Variants in INTU observed in about 807,000 individuals in gnomAD.
INTU encodes the protein inturned planar cell polarity protein.
Under a neutral mutation model 100.5 loss-of-function variants are expected in INTU, and 68 were observed. That is an observed-to-expected ratio of 0.68 (90% CI 0.56 to 0.83). The LOEUF is 0.83. INTU is among the 40% of genes least tolerant of loss of function. INTU has a pLI of 0.00. For synonymous variants in INTU, 357 were observed against 395.7 expected (o/e 0.90, Z 1.16); for missense variants, 1,071 against 1,114.7 (o/e 0.96, Z 0.56).
rs1729765026 is a variant in INTU, at chr4:127,685,300, G to A, written c.1259+814G>A. On this transcript the variant is annotated intron_variant, in intron 7 of 15. Coordinates refer to ENST00000335251, the MANE Select transcript of INTU (RefSeq NM_015693.4). ...GACTTTTGTTCTTGTATTTCTGAGG[G>A]CTAAAATGGTATCTTTATGTTTAAA... is the stretch of plus-strand genomic sequence containing the variant. 3 of 195,604 alleles carry A rather than the reference G, an allele frequency of 1.5e-5. No individual in the cohort carries two copies. The South Asian group carries it at 2.0e-4, about 13-fold the overall frequency. The allele number at this position is 195,604 out of a possible 1,614,324, so 12.1% of individuals were successfully genotyped here. A position where few individuals can be genotyped will look rare whatever the true frequency, so the allele number is the denominator to read the frequency against.
intron 2 of INTU, among the ~76,000 whole-genome samples, chr4:127,654,555 C>G (rs980790297): frequency 1.3e-4 from 20 of 152,168 alleles, no homozygotes; most frequent in African/African-American, 1.9e-4. Flanking sequence ...TTGGCCCCCA[C>G]TCTCTTCTGG....
rs1339646214 is a variant in INTU, at chr4:127,720,439, A to G, written c.*4003A>G. The G allele has an allele frequency of 6.6e-6, 1 of 152,220 alleles. No individual in the cohort carries two copies. Among genetic ancestry groups the G allele is most frequent in the African/African-American group, 2.4e-5 (1 of 41,450 alleles). The allele number at this position is 152,220 out of a possible 1,614,324, so 9.4% of individuals were successfully genotyped here. A position where few individuals can be genotyped will look rare whatever the true frequency, so the allele number is the denominator to read the frequency against. On this transcript the variant is annotated 3_prime_UTR_variant, in exon 16 of 16. Transcript: ENST00000335251. ...TTAGAGTAAGTACCATGTGGCACTG[A>G]GAAGAATATATATTCTGTTGTTTGG...
intron 5 of INTU, among the ~76,000 whole-genome samples, chr4:127,672,597 A>G (rs968837737): frequency 2.0e-5 from 3 of 151,772 alleles, no homozygotes; most frequent in African/African-American, 4.8e-5. Flanking sequence ...AGCTAGAAAA[A>G]CTTTTTTAAG....
intron 6 of INTU, among the ~76,000 whole-genome samples, chr4:127,680,241 C>G (rs1474652060): frequency 6.6e-6 from 1 of 152,054 alleles, no homozygotes; most frequent in Non-Finnish European, 1.5e-5. Context: ...GGAATCCTCC[C>G]TAACTCATTT....
intron 12 of INTU, 121 bp downstream of exon 12, chr4:127,707,090 C>A: frequency 8.7e-7 from 1 of 1,149,280 alleles, no homozygotes; most frequent in Non-Finnish European, 1.2e-6. Flanking sequence ...GTGGTTATTT[C>A]AGTCACTGCT....
At chr4:127,677,616 A>G (rs1348565301) in intron 6 of INTU, among the ~76,000 whole-genome samples, 26 of 152,190 alleles carry the variant, frequency 1.7e-4, no homozygotes, top group Middle Eastern at 3.4e-3. Context: ...ACCATCATCA[A>G]AGACCAAAAG....
intron 14 of INTU, among the ~76,000 whole-genome samples, chr4:127,712,761 T>C (rs146105090): frequency 6.6e-6 from 1 of 152,190 alleles, no homozygotes; most frequent in African/African-American, 2.4e-5. Flanking sequence ...GGGACAGAGC[T>C]TCCAGCAAGG....
intron 8 of INTU, among the ~76,000 whole-genome samples, chr4:127,693,636 T>A (rs1272266235): frequency 2.0e-5 from 3 of 152,172 alleles, no homozygotes; most frequent in Admixed American, 2.0e-4. Context: ...AAAGTGGGCA[T>A]CCTTGTCTTG....
Position 127,669,018 on chromosome 4 carries a change from A to G in INTU, c.973-18A>G. 1 of 1,185,200 alleles carries G rather than the reference A, an allele frequency of 8.4e-7. No homozygotes were observed. The highest frequency in any genetic ancestry group is 2.0e-4 in the Middle Eastern group (1 of 5,052). The allele number at this position is 1,185,200 out of a possible 1,614,324, so 73.4% of individuals were successfully genotyped here. A position where few individuals can be genotyped will look rare whatever the true frequency, so the allele number is the denominator to read the frequency against. ...GGTTGGAAAATTGGGTGGTTTGATCATTTGTTTCATTTAACAGCAGGAAAT... is the reference window on the plus strand; with the variant it reads ...GGTTGGAAAATTGGGTGGTTTGATCGTTTGTTTCATTTAACAGCAGGAAAT... On this transcript the variant is annotated intron_variant, in intron 4 of 15. Coordinates refer to ENST00000335251, the MANE Select transcript of INTU (RefSeq NM_015693.4).
intron 12 of INTU, 145 bp from the exon 13 acceptor site, chr4:127,708,426 A>T: frequency 1.8e-6 from 1 of 559,490 alleles, no homozygotes; most frequent in South Asian, 2.2e-5. Context: ...ATAAGCCAAG[A>T]GGTACAAGTT....
intron 2 of INTU, among the ~76,000 whole-genome samples, chr4:127,650,879 C>T (rs151110641): frequency 0.018 from 2,669 of 152,266 alleles, 40 homozygotes; most frequent in Middle Eastern, 0.027. Context: ...CTGTCCAGCA[C>T]CTGTTGTTTC....
intron 15 of INTU, among the ~76,000 whole-genome samples, chr4:127,714,745 C>T (rs2148739895): frequency 6.6e-6 from 1 of 152,238 alleles, no homozygotes; most frequent in Admixed American, 6.5e-5. Context: ...CCCCCACCCT[C>T]ATTACAATAT....
In INTU at chr4:127,644,052, C is replaced by G. The variant is rs773653292; in HGVS notation, c.678C>G (p.Leu226=). The change falls in exon 2 of 16, where the codon CTC becomes CTG. Residue 226 remains leucine (L), a synonymous_variant. Coordinates refer to ENST00000335251, the MANE Select transcript of INTU (RefSeq NM_015693.4). ...GGSAMKSGQV[L]IGDVLVAVND... is the part of the protein sequence containing the mutation. ...CTGCTATGAAGAGCGGTCAGGTACT[C>G]ATTGGTAAGTGTTGCTGGTACACAT... is the stretch of plus-strand genomic sequence containing the variant. 11 of 1,610,666 alleles carry G rather than the reference C, an allele frequency of 6.8e-6. No individual in the cohort carries two copies. The highest frequency in any genetic ancestry group is 9.3e-6 in the Non-Finnish European group (11 of 1,177,560).
intron 3 of INTU, among the ~76,000 whole-genome samples, chr4:127,660,202 G>C (rs939846502): frequency 3.9e-5 from 6 of 152,148 alleles, no homozygotes; most frequent in African/African-American, 1.4e-4. Flanking sequence ...TTAGATTTAA[G>C]ATAGAGAGGA....
chr4:127,687,741 A>C lies in INTU; in HGVS notation c.1323A>C (p.Arg441Ser), dbSNP rs184412214. 1.0e-4 allele frequency: 168 copies of C among 1,613,434 alleles called. 1 individual carries two copies. In the East Asian group the frequency reaches 3.5e-3, roughly 33 times the overall value. The part of the protein sequence containing the change: ...LDHFFNLFFQ[R>S]ALQPAKLHSS... ...ATTTTTTTAACTTGTTCTTTCAAAG[A>C]GCACTTCAGCCTGCGAAACTGCATT... The change falls in exon 8 of 16, where the codon AGA (arginine) becomes AGC (serine). Residue 441 changes from arginine (R) to serine (S), a missense_variant. Arg to Ser is a moderately radical substitution (Grantham distance 110). Coordinates refer to ENST00000335251, the MANE Select transcript of INTU (RefSeq NM_015693.4).
chr4:127,635,150 G>A (rs563188183), intron 1 of INTU, among the ~76,000 whole-genome samples: 24 of 152,244 alleles, frequency 1.6e-4, no homozygotes, highest in African/African-American at 5.5e-4. Flanking sequence ...GTATGTGATT[G>A]TCAATATAGA....
At chr4:127,692,966 C>A (rs1197818925) in intron 8 of INTU, among the ~76,000 whole-genome samples, 1 of 151,908 alleles carries the variant, frequency 6.6e-6, no homozygotes, top group African/African-American at 2.4e-5. Flanking sequence ...TTATACCATG[C>A]CATTTTGGTG....
chr4:127,690,828 A>G (rs1464564847), intron 8 of INTU, among the ~76,000 whole-genome samples: 2 of 152,094 alleles, frequency 1.3e-5, no homozygotes, highest in African/African-American at 2.4e-5. Flanking sequence ...GTTATAATTG[A>G]TGAACCTACA....
chr4:127,636,312 C>A (rs1052857796), intron 1 of INTU, among the ~76,000 whole-genome samples: 1 of 151,710 alleles, frequency 6.6e-6, no homozygotes, highest in Non-Finnish European at 1.5e-5. Context: ...GCCCTATCAC[C>A]ATTGTACACT....
Sources: allele counts gnomAD v4.1 joint callset (sites outside exome capture counted in the v4.1 genomes callset), GRCh38; gene constraint gnomAD v4.1.1; transcripts MANE v1.5; gene names NCBI Gene and HGNC (gene_info 2026-07-23, HGNC 2026-07-21).